VPS8: variants seen among roughly 807,000 people sequenced by gnomAD.
VPS8 encodes VPS8 subunit of CORVET complex, also known as vacuolar protein sorting-associated protein 8 homolog.
A neutral mutation model predicts 216.4 loss-of-function variants in VPS8; 129 were observed. The observed-to-expected ratio is 0.60, with a 90% CI of 0.52 to 0.69. The LOEUF is 0.69. Among genes scored for constraint, VPS8 ranks in the 30% least tolerant of loss-of-function variants. VPS8 has a pLI of 0.00. For synonymous variants in VPS8, 571 were observed against 565.4 expected, an observed-to-expected ratio of 1.01 and a Z score of -0.14; for missense variants, 1,531 against 1,683.5, an observed-to-expected ratio of 0.91 and a Z score of 1.59.
chr3:184,936,741 T>TC (rs1436830062), intron 35 of VPS8, among the ~76,000 whole-genome samples: 3 of 151,434 alleles, frequency 2.0e-5, no homozygotes, highest in Non-Finnish European at 4.4e-5. Flanking sequence ...AACCCCGTTT[T>TC]CTTTTTTTTT....
chr3:184,950,216 C>CTTTTTCTTTTTT (rs1744427002), intron 36 of VPS8, among the ~76,000 whole-genome samples: 1 of 39,930 alleles, frequency 2.5e-5, no homozygotes, highest in Non-Finnish European at 4.1e-5. Flanking sequence ...CAGTTTTCTG[C>CTTTTTCTTTTTT]TTTTTTTTTT....
Position 184,999,839 on chromosome 3 carries a change from A to G in VPS8, c.3980A>G (p.Lys1327Arg), listed in dbSNP as rs1281130288. ...AGTGAAAATTCATCTGAAATTAAAA[A>G]GGGAAGGATAACCCCATCACAGGTA... Reference protein sequence around the residue: ...KLSENSSEIKKGRITPSQVKM... With the variant: ...KLSENSSEIKRGRITPSQVKM... Residue 1327 changes from lysine to arginine, a missense_variant, in exon 45 of 48, where the codon AAG becomes AGG. Transcript: ENST00000625842. 6.2e-7 allele frequency: 1 copy of G among 1,611,578 alleles called. No homozygotes were observed. Among genetic ancestry groups the G allele is most frequent in the Admixed American group, 1.7e-5 (1 of 59,612 alleles).
intron 15 of VPS8, among the ~76,000 whole-genome samples, chr3:184,860,361 A>T (rs1726065050): frequency 6.6e-6 from 1 of 150,954 alleles, no homozygotes; most frequent in South Asian, 2.1e-4. Context: ...AAAAAAAAGT[A>T]TATGTGTGTG....
intron 33 of VPS8, 60 bp from the exon 34 acceptor site, chr3:184,930,410 T>G: frequency 8.1e-7 from 1 of 1,228,920 alleles, no homozygotes; most frequent in Non-Finnish European, 1.2e-6. Context: ...CTGGTTCAGT[T>G]GGTAGGGACT....
At chr3:184,893,259 C>T (rs971135920) in intron 22 of VPS8, 7 of 1,287,696 alleles carry the variant, frequency 5.4e-6, no homozygotes, top group Non-Finnish European at 7.1e-6. Context: ...AAAACCCCAT[C>T]CTAGTCCTTT....
chr3:184,945,287 C>A (rs987638406), intron 36 of VPS8, among the ~76,000 whole-genome samples: 1 of 151,728 alleles, frequency 6.6e-6, no homozygotes, highest in East Asian at 1.9e-4. Flanking sequence ...TCTCTCTTAA[C>A]AATTAATATC....
Position 184,942,437 on chromosome 3 carries a change from A to C in VPS8, c.3035+2194A>C, listed in dbSNP as rs117004849. On this transcript the variant is annotated intron_variant, in intron 36 of 47. Coordinates refer to ENST00000625842, the MANE Select transcript of VPS8 (RefSeq NM_001009921.3). ...CAAGGTCCTTTCTTACCGACCTTGA[A>C]AAGAGTCAGCGTGCTCACAGGCCTT... Among the ~76,000 whole-genome samples the C allele has an allele frequency of 1.1e-3, 175 of 152,310 alleles. 2 individuals are homozygous for C. The highest frequency in any genetic ancestry group is 0.01 in the East Asian group (54 of 5,186).
chr3:184,996,828 G>A (rs191446716), intron 44 of VPS8, among the ~76,000 whole-genome samples: 36 of 152,326 alleles, frequency 2.4e-4, no homozygotes, highest in African/African-American at 8.4e-4. Context: ...GAGGAGCAAA[G>A]GTGCTGAGAG....
chr3:185,010,998 C>CA (rs992214227), intron 45 of VPS8, among the ~76,000 whole-genome samples: 2 of 146,730 alleles, frequency 1.4e-5, no homozygotes, highest in Non-Finnish European at 3.0e-5. Flanking sequence ...GACCCTATCT[C>CA]AAAAAAACAA....
chr3:184,897,104 G>C (rs1733642050), intron 23 of VPS8, among the ~76,000 whole-genome samples: 1 of 152,204 alleles, frequency 6.6e-6, no homozygotes, highest in African/African-American at 2.4e-5. Context: ...TATTCTAAAT[G>C]CTATGAAAAA....
intron 37 of VPS8, among the ~76,000 whole-genome samples, chr3:184,962,166 C>T (rs1696558454): frequency 6.6e-6 from 1 of 152,100 alleles, no homozygotes; most frequent in South Asian, 2.1e-4. Context: ...TGTTTATTTC[C>T]CTGTTGGTAA....
At chr3:184,904,303 A>G (rs766233123) in intron 25 of VPS8, among the ~76,000 whole-genome samples, 10 of 152,148 alleles carry the variant, frequency 6.6e-5, no homozygotes, top group African/African-American at 9.7e-5. Context: ...TGTTTTCCTG[A>G]TATTAGGGGG....
intron 21 of VPS8, among the ~76,000 whole-genome samples, chr3:184,882,899 G>T (rs1560512720): frequency 6.6e-6 from 1 of 152,056 alleles, no homozygotes; most frequent in South Asian, 2.1e-4. Flanking sequence ...TGTCTATAAT[G>T]ATATCCTCTG....
At chr3:184,993,879 C>T (rs1019457462) in intron 42 of VPS8, 104 bp from the exon 43 acceptor site, 8 of 842,370 alleles carry the variant, frequency 9.5e-6, no homozygotes, top group South Asian at 9.2e-5. Context: ...TATTTTGTGA[C>T]TGTAGAAAAA....
intron 37 of VPS8, among the ~76,000 whole-genome samples, chr3:184,962,584 A>C (rs1483989716): frequency 6.6e-6 from 1 of 152,068 alleles, no homozygotes; most frequent in South Asian, 2.1e-4. Context: ...ATTGAGTTCA[A>C]GAAGTTTTTT....
Position 185,025,257 on chromosome 3 carries a change from CA to C in VPS8, c.4056+869del, listed in dbSNP as rs1442143052. ...ACCACTAAAATCCTTTTCCTTTATC[CA>C]GCTGTAAAAGTGCAGTTGAAACATG... On this transcript the variant is annotated intron_variant, in intron 46 of 47. Coordinates refer to ENST00000625842, the MANE Select transcript of VPS8 (RefSeq NM_001009921.3). 3.3e-5 allele frequency among the ~76,000 whole-genome samples: 5 copies of C among 152,286 alleles called. No individual in the cohort carries two copies. The East Asian group carries it at 9.7e-4, about 29-fold the overall frequency.
intron 42 of VPS8, among the ~76,000 whole-genome samples, chr3:184,991,943 T>C (rs2109834910): frequency 6.6e-6 from 1 of 152,316 alleles, no homozygotes; most frequent in South Asian, 2.1e-4. Context: ...CCTGTTAAGC[T>C]TAAGTGATGT....
intron 46 of VPS8, among the ~76,000 whole-genome samples, chr3:185,036,597 G>A (rs1758930998): frequency 6.6e-6 from 1 of 150,690 alleles, no homozygotes; most frequent in African/African-American, 2.4e-5. Context: ...TTTTTTAGTG[G>A]TGGCCTAGGA....
intron 46 of VPS8, among the ~76,000 whole-genome samples, chr3:185,031,668 G>T (rs1048699888): frequency 2.0e-5 from 3 of 152,196 alleles, no homozygotes; most frequent in Non-Finnish European, 2.9e-5. Flanking sequence ...GCTACTATGT[G>T]AATGGAGATG....
Sources: allele counts gnomAD v4.1 joint callset (sites outside exome capture counted in the v4.1 genomes callset), GRCh38; gene constraint gnomAD v4.1.1; transcripts MANE v1.5; gene names NCBI Gene and HGNC (gene_info 2026-07-23, HGNC 2026-07-21).